The following LRP1B variants were observed in gnomAD, a reference collection of about 807,000 sequenced individuals.
LRP1B encodes the protein LDL receptor related protein 1B, also known as low-density lipoprotein receptor-related protein 1B.
A neutral mutation model predicts 556.6 loss-of-function variants in LRP1B; 217 were observed. The ratio of observed to expected loss-of-function variants is 0.39; its 90% CI spans 0.35 to 0.44. The LOEUF (loss-of-function observed/expected upper bound fraction) is 0.44, where lower values mean the gene tolerates loss of function less well. Ranked by LOEUF, LRP1B falls within the 20% of genes least tolerant of loss-of-function variation. LRP1B has a pLI of 1.00. For missense variants in LRP1B, 5,053 were observed against 5,620.8 expected (o/e 0.90, Z 3.23); for synonymous variants, 2,047 against 1,865.8 (o/e 1.10, Z -2.50).
intron 1 of LRP1B, among the ~76,000 whole-genome samples, chr2:141,859,979 T>C (rs1168322377): frequency 1.7e-4 from 26 of 152,196 alleles, no homozygotes. Flanking sequence ...CAGGCTTGTG[T>C]TTCCCATTTA....
At chr2:141,576,957 C>T (rs999917343) in intron 2 of LRP1B, among the ~76,000 whole-genome samples, 10 of 151,772 alleles carry the variant, frequency 6.6e-5, no homozygotes, top group African/African-American at 2.4e-4. Context: ...CATGCCCAGC[C>T]AATCCTCAGT....
intron 2 of LRP1B, among the ~76,000 whole-genome samples, chr2:141,793,144 A>G (rs576937371): frequency 2.6e-5 from 4 of 151,978 alleles, no homozygotes; most frequent in Non-Finnish European, 5.9e-5. Context: ...TTCATAGTCA[A>G]GTATCTTTTT....
At chr2:140,834,482 C>A (rs1573781122) in intron 31 of LRP1B, among the ~76,000 whole-genome samples, 1 of 152,296 alleles carries the variant, frequency 6.6e-6, no homozygotes, top group East Asian at 1.9e-4. Context: ...TCGTGATCTG[C>A]ACACCTTGGC....
At chr2:141,848,282 A>T (rs1016653610) in intron 1 of LRP1B, among the ~76,000 whole-genome samples, 2 of 151,564 alleles carry the variant, frequency 1.3e-5, no homozygotes, top group African/African-American at 2.4e-5. Context: ...ACTCCAGAGA[A>T]GTCCCTTGGA....
rs149632259 is a variant in LRP1B at position 140,959,150 on chromosome 2, T to A, written c.2888-7210A>T. On this transcript the variant is annotated intron_variant, in intron 18 of 90. Coordinates refer to ENST00000389484, the MANE Select transcript of LRP1B (RefSeq NM_018557.3). ...AAATAAATTTCCAGTATTAGTAGACTGAGTGGAAGATGGATACATAAAGTT... is the reference window on the plus strand; with the variant it reads ...AAATAAATTTCCAGTATTAGTAGACAGAGTGGAAGATGGATACATAAAGTT... Among the ~76,000 whole-genome samples the A allele has an allele frequency of 5.7e-4, 86 of 151,468 alleles. 1 individual carries two copies. The highest frequency in any genetic ancestry group is 2.0e-3 in the African/African-American group (82 of 41,442).
intron 3 of LRP1B, among the ~76,000 whole-genome samples, chr2:141,380,894 G>C (rs551062654): frequency 2.8e-4 from 43 of 152,220 alleles, no homozygotes; most frequent in African/African-American, 9.4e-4. Context: ...TCAAAGGTGG[G>C]AGGCATCTAG....
At chr2:141,105,147 T>C (rs917264771) in intron 7 of LRP1B, among the ~76,000 whole-genome samples, 10 of 152,120 alleles carry the variant, frequency 6.6e-5, no homozygotes, top group African/African-American at 2.2e-4. Flanking sequence ...GTATTTCATA[T>C]AGCTGGGATG....
chr2:141,218,913 C>T (rs1285306580), intron 6 of LRP1B, among the ~76,000 whole-genome samples: 1 of 152,160 alleles, frequency 6.6e-6, no homozygotes, highest in Non-Finnish European at 1.5e-5. Context: ...CTGGGACTGA[C>T]TAGGCAGTTA....
chr2:141,459,337 C>T (rs953068103), intron 3 of LRP1B, among the ~76,000 whole-genome samples: 2 of 152,116 alleles, frequency 1.3e-5, no homozygotes, highest in Non-Finnish European at 2.9e-5. Flanking sequence ...AAAGATCTTA[C>T]TACAGGGCTT....
intron 32 of LRP1B, among the ~76,000 whole-genome samples, chr2:140,799,810 T>C (rs1226339073): frequency 1.3e-5 from 2 of 151,848 alleles, no homozygotes; most frequent in Non-Finnish European, 2.9e-5. Context: ...ACAGCTCGAG[T>C]CTACAGCTCC....
chr2:141,293,433 A>G (rs891710404), intron 3 of LRP1B, among the ~76,000 whole-genome samples: 3 of 152,180 alleles, frequency 2.0e-5, no homozygotes, highest in Non-Finnish European at 4.4e-5. Context: ...AACTGAAGTA[A>G]CAATTCCTGT....
chr2:141,716,425 G>T (rs1692588649), intron 2 of LRP1B, among the ~76,000 whole-genome samples: 2 of 152,044 alleles, frequency 1.3e-5, no homozygotes, highest in Admixed American at 6.6e-5. Context: ...GTGACAATAT[G>T]TATATATATT....
intron 35 of LRP1B, among the ~76,000 whole-genome samples, chr2:140,757,708 G>T (rs947139161): frequency 6.6e-6 from 1 of 151,982 alleles, no homozygotes; most frequent in African/African-American, 2.4e-5. Context: ...TGGCAAAACC[G>T]CATCTCTGCT....
intron 1 of LRP1B, among the ~76,000 whole-genome samples, chr2:141,845,176 G>T (rs906952403): frequency 1.3e-5 from 2 of 151,526 alleles, no homozygotes; most frequent in Non-Finnish European, 2.9e-5. Flanking sequence ...CAGCTTCAAG[G>T]TTATTTTTTA....
At chr2:140,243,376 G>A (rs1178226005) in intron 87 of LRP1B, among the ~76,000 whole-genome samples, 1 of 150,922 alleles carries the variant, frequency 6.6e-6, no homozygotes, top group African/African-American at 2.4e-5. Flanking sequence ...TTCAAAAGAG[G>A]TAGAAGAGAA....
chr2:141,071,878 T>A lies in LRP1B; in HGVS notation c.1014-9605A>T, dbSNP rs552770963. Among the ~76,000 whole-genome samples, 19 of 152,252 alleles carry A rather than the reference T, an allele frequency of 1.2e-4. No homozygotes were observed. The East Asian group carries it at 3.5e-3, about 28-fold the overall frequency. On this transcript the variant is annotated intron_variant, in intron 7 of 90. Coordinates refer to ENST00000389484, the MANE Select transcript of LRP1B (RefSeq NM_018557.3). ...GAGTATACAAACAAATGGAAGAACA[T>A]TCCATGCTCATGGGTAGGAAGAATC... is the stretch of plus-strand genomic sequence containing the variant.
At chr2:140,569,421 C>T (rs972835336) in intron 43 of LRP1B, among the ~76,000 whole-genome samples, 2 of 151,772 alleles carry the variant, frequency 1.3e-5, no homozygotes, top group Admixed American at 6.6e-5. Flanking sequence ...ACTATATCTG[C>T]ATCAGACAAA....
chr2:142,088,361 T>C (rs1257565430), intron 1 of LRP1B, among the ~76,000 whole-genome samples: 1 of 152,200 alleles, frequency 6.6e-6, no homozygotes, highest in Non-Finnish European at 1.5e-5. Flanking sequence ...TTGGTTTTAG[T>C]ATATTGCGTA....
intron 86 of LRP1B, among the ~76,000 whole-genome samples, chr2:140,265,359 CA>C (rs1204427296): frequency 2.0e-5 from 3 of 151,878 alleles, no homozygotes; most frequent in African/African-American, 7.3e-5. Flanking sequence ...CAAATAAATG[CA>C]AAAAAATCTA....
Sources: allele counts gnomAD v4.1 joint callset (sites outside exome capture counted in the v4.1 genomes callset), GRCh38; gene constraint gnomAD v4.1.1; transcripts MANE v1.5; gene names NCBI Gene and HGNC (gene_info 2026-07-23, HGNC 2026-07-21).